PIK3R3: variants seen among roughly 807,000 people sequenced by gnomAD.
PIK3R3 encodes the protein phosphatidylinositol 3-kinase regulatory subunit gamma.
PIK3R3 carries 64 observed loss-of-function variants against 62.9 expected under a neutral mutation model. The observed-to-expected ratio is 1.02, with a 90% confidence interval of 0.83 to 1.25. The LOEUF is 1.25. Among genes scored for constraint, PIK3R3 ranks in the 50% most tolerant of loss-of-function variants. The probability of loss-of-function intolerance (pLI) is 0.00; values close to 1 mark genes in which losing one functional copy is unlikely to be tolerated. For synonymous variants in PIK3R3, 165 were observed against 189.0 expected (o/e 0.87, Z 1.04); for missense variants, 614 against 561.6 (o/e 1.09, Z -0.94).
chr1:46,106,429 A>G (rs1653210755), intron 1 of PIK3R3, among the ~76,000 whole-genome samples: 2 of 152,142 alleles, frequency 1.3e-5, no homozygotes, highest in African/African-American at 2.4e-5. Context: ...CCTTTCTGAT[A>G]TATTCTTGAT....
rs1189338944 is a variant in PIK3R3, at chr1:46,066,069, A to G, written c.606T>C (p.Tyr202=). Residue 202 remains tyrosine, a synonymous_variant, in exon 5 of 10, where the codon TAT becomes TAC. Transcript: ENST00000262741. ...ATATACCAACCTGGGATGTTCTAGT[A>G]TATTCTTCATACAGCCTATCATACT... ...SKEYDRLYEE[Y]TRTSQEIQMK... 2 of 1,608,746 alleles carry G rather than the reference A, an allele frequency of 1.2e-6. No homozygotes were observed. The highest frequency in any genetic ancestry group is 1.3e-5 in the African/African-American group (1 of 74,838).
chr1:46,166,993 G>A, the PIK3R3 span, among the ~76,000 whole-genome samples: 1 of 152,242 alleles, frequency 6.6e-6, no homozygotes, highest in African/African-American at 2.4e-5. Flanking sequence ...GGTCCTTCAA[G>A]ATCTTGGCTT....
At chr1:46,084,063 T>TC (rs1257504773) in intron 1 of PIK3R3, among the ~76,000 whole-genome samples, 5 of 152,134 alleles carry the variant, frequency 3.3e-5, no homozygotes. Context: ...GAGGTATATA[T>TC]CCATACAATA....
the PIK3R3 span, among the ~76,000 whole-genome samples, chr1:46,143,104 A>G: frequency 7.2e-5 from 11 of 152,368 alleles, no homozygotes; most frequent in Admixed American, 3.3e-4. Flanking sequence ...GGGCCACTCA[A>G]TAATGAAATT....
Position 46,067,055 on chromosome 1 carries a change from G to C in PIK3R3, c.351C>G (p.His117Gln), listed in dbSNP as rs1330430637. Reference sequence around the variant, plus strand: ...CAGAAAAGCCATATTTACCATCCCGGTGATAGATCTTTATTAACTTATTAT... The same window carrying C: ...CAGAAAAGCCATATTTACCATCCCGCTGATAGATCTTTATTAACTTATTAT... ...GGNNKLIKIY[H>Q]RDGKYGFSDP... Residue 117 changes from histidine (H) to glutamine (Q), a missense_variant, in exon 4 of 10, where the codon CAC becomes CAG. Physicochemically the swap from His to Gln is conservative, Grantham distance 24. Coordinates refer to ENST00000262741, the MANE Select transcript of PIK3R3 (RefSeq NM_003629.4). The C allele has an allele frequency of 6.3e-7, 1 of 1,593,730 alleles. No individual in the cohort carries two copies. Among genetic ancestry groups the C allele is most frequent in the South Asian group, 1.1e-5 (1 of 88,344 alleles).
the PIK3R3 span, among the ~76,000 whole-genome samples, chr1:46,161,701 T>C: frequency 1.2e-4 from 18 of 151,902 alleles, no homozygotes; most frequent in Non-Finnish European, 2.2e-4. Context: ...CACCTGTGAA[T>C]AGCCACTGCA....
chr1:46,131,086 CAGAA>C (rs3831921), intron 1 of PIK3R3, among the ~76,000 whole-genome samples: 32,056 of 151,962 alleles, frequency 0.21, 3,732 homozygotes, highest in Non-Finnish European at 0.26. Flanking sequence ...TCACAGGAAA[CAGAA>C]AGGTTCCCTC....
At chr1:46,088,144 G>C (rs958317850) in intron 1 of PIK3R3, among the ~76,000 whole-genome samples, 2 of 152,166 alleles carry the variant, frequency 1.3e-5, no homozygotes, top group Non-Finnish European at 2.9e-5. Flanking sequence ...CAACATTCTG[G>C]GAGGCCAAGA....
chr1:46,161,166 C>T, the PIK3R3 span, among the ~76,000 whole-genome samples: 1 of 152,134 alleles, frequency 6.6e-6, no homozygotes, highest in East Asian at 1.9e-4. Context: ...ACAATCATAG[C>T]TCACTGCAGC....
the PIK3R3 span, among the ~76,000 whole-genome samples, chr1:46,171,074 T>G: frequency 6.6e-6 from 1 of 152,216 alleles, no homozygotes; most frequent in Non-Finnish European, 1.5e-5. Flanking sequence ...AGCACTCTCT[T>G]GGCCTCAGTT....
At chr1:46,145,352 C>G in the PIK3R3 span, among the ~76,000 whole-genome samples, 4 of 143,938 alleles carry the variant, frequency 2.8e-5, no homozygotes, top group Non-Finnish European at 6.0e-5. Flanking sequence ...AACAGAATAC[C>G]TGAGGCTGGA....
At chr1:46,045,617 CTTTTTTTTTTTTT>C (rs1031388121) in intron 9 of PIK3R3, among the ~76,000 whole-genome samples, 2 of 21,204 alleles carry the variant, frequency 9.4e-5, no homozygotes, top group Non-Finnish European at 1.6e-4. Flanking sequence ...CAATTAAGTG[CTTTTTTTTTTTTT>C]TTTTTTTTTT....
At chr1:46,066,831 A>G (rs1649035933) in intron 4 of PIK3R3, 80 bp downstream of exon 4, 2 of 1,148,220 alleles carry the variant, frequency 1.7e-6, no homozygotes, top group Non-Finnish European at 2.6e-6. Flanking sequence ...TTTAAAACTG[A>G]TAAGCCTGGT....
At chr1:46,123,221 T>C (rs1654829888) in intron 1 of PIK3R3, among the ~76,000 whole-genome samples, 1 of 152,060 alleles carries the variant, frequency 6.6e-6, no homozygotes, top group African/African-American at 2.4e-5. Flanking sequence ...CAGCCCTACA[T>C]ATAAAAGGGT....
In PIK3R3 at chr1:46,065,544, T is replaced by A. The variant is rs141363835; in HGVS notation, c.621+510A>T. Among the ~76,000 whole-genome samples the A allele has an allele frequency of 5.0e-4, 76 of 152,344 alleles. 1 individual carries two copies. In the East Asian group the frequency reaches 0.013, roughly 27 times the overall value. Reference sequence around the variant, plus strand: ...CAGCTAGCTGTGACCTGTAGCTAGGTATGCCCATGTGACTTAGTTCTAGCC... The same window carrying A: ...CAGCTAGCTGTGACCTGTAGCTAGGAATGCCCATGTGACTTAGTTCTAGCC... On this transcript the variant is annotated intron_variant, in intron 5 of 9. Coordinates refer to ENST00000262741, the MANE Select transcript of PIK3R3 (RefSeq NM_003629.4).
intron 1 of PIK3R3, among the ~76,000 whole-genome samples, chr1:46,127,357 AT>A (rs199609189): frequency 0.055 from 4,698 of 84,868 alleles, 179 homozygotes; most frequent in African/African-American, 0.16. Context: ...AAAAAAAAAA[AT>A]ATATATATAT....
At chr1:46,141,580 A>G in the PIK3R3 span, among the ~76,000 whole-genome samples, 1,112 of 152,318 alleles carry the variant, frequency 7.3e-3, 15 homozygotes, top group African/African-American at 0.026. Flanking sequence ...CTTCAAACAC[A>G]TTTTGAAATC....
intron 1 of PIK3R3, among the ~76,000 whole-genome samples, chr1:46,117,640 G>A (rs904324818): frequency 2.6e-5 from 4 of 152,036 alleles, no homozygotes; most frequent in African/African-American, 4.8e-5. Flanking sequence ...CCAGCTACTC[G>A]GGAGGCTGAG....
chr1:46,146,535 A>G, the PIK3R3 span, among the ~76,000 whole-genome samples: 1 of 152,164 alleles, frequency 6.6e-6, no homozygotes, highest in African/African-American at 2.4e-5. Flanking sequence ...AAAATGGGAA[A>G]GGTGTTCAGA....
Sources: allele counts gnomAD v4.1 joint callset (sites outside exome capture counted in the v4.1 genomes callset), GRCh38; gene constraint gnomAD v4.1.1; transcripts MANE v1.5; gene names NCBI Gene and HGNC (gene_info 2026-07-23, HGNC 2026-07-21).